The following ARG2 variants were observed in gnomAD, a reference collection of about 807,000 sequenced individuals.
The protein encoded by ARG2 is arginase 2.
ARG2 carries 21 observed loss-of-function variants against 39.4 expected under a neutral mutation model. The ratio of observed to expected loss-of-function variants is 0.53; its 90% CI spans 0.38 to 0.77. The LOEUF is 0.77. Ranked by LOEUF, ARG2 falls within the 30% of genes least tolerant of loss-of-function variation. The pLI is 0.00. For synonymous variants in ARG2, 150 were observed against 156.7 expected (o/e 0.96, Z 0.32); for missense variants, 378 against 426.2 (o/e 0.89, Z 1.00).
chr14:67,624,298 T>C (rs2036840727), intron 2 of ARG2, among the ~76,000 whole-genome samples: 1 of 152,214 alleles, frequency 6.6e-6, no homozygotes, highest in South Asian at 2.1e-4. Flanking sequence ...AAATACTGTA[T>C]AGTGACACCA....
intron 7 of ARG2, chr14:67,648,416 G>C (rs1249895755): frequency 2.7e-6 from 1 of 370,828 alleles, no homozygotes; most frequent in Non-Finnish European, 4.8e-6. Flanking sequence ...GTAAAAAATT[G>C]TATATTTAAA....
At position 67,651,326 on chromosome 14, in the gene ARG2, C is replaced by G; in HGVS notation, c.*406C>G. ...CAATATGCTTATTCTATCCACATCC[C>G]TAACATCATGCATTCACAAGGTCAA... On this transcript the variant is annotated 3_prime_UTR_variant, in exon 8 of 8. Transcript: ENST00000261783. The G allele has an allele frequency of 6.2e-7, 1 of 1,611,006 alleles. No homozygotes were observed. The highest frequency in any genetic ancestry group is 1.1e-5 in the South Asian group (1 of 90,658).
At chr14:67,624,944 CAA>C in intron 2 of ARG2, among the ~76,000 whole-genome samples, 1 of 152,158 alleles carries the variant, frequency 6.6e-6, no homozygotes, top group Non-Finnish European at 1.5e-5. Context: ...CGATAGCCTG[CAA>C]TCACAGTGAA....
At chr14:67,638,824 C>T (rs772875700) in intron 2 of ARG2, among the ~76,000 whole-genome samples, 1 of 152,198 alleles carries the variant, frequency 6.6e-6, no homozygotes, top group Admixed American at 6.5e-5. Context: ...GCTAACCATG[C>T]TGGATCAACC....
intron 2 of ARG2, among the ~76,000 whole-genome samples, chr14:67,634,361 G>C (rs2036948119): frequency 6.6e-6 from 1 of 151,622 alleles, no homozygotes; most frequent in Non-Finnish European, 1.5e-5. Flanking sequence ...GGGAGGCCAA[G>C]GTGGATGGAT....
In ARG2 at chr14:67,624,439, G is replaced by T. The variant is rs1321314685; in HGVS notation, c.184+3473G>T. On this transcript the variant is annotated intron_variant, in intron 2 of 7. Transcript: ENST00000261783. The stretch of plus-strand genomic sequence containing the variant: ...AGAGGTTTAATTGACTCATGGTTCT[G>T]CAGGACATACAGGCTTCTGCTTCTG... 2.0e-5 allele frequency among the ~76,000 whole-genome samples: 3 copies of T among 152,228 alleles called. No homozygotes were observed. The East Asian group carries it at 5.8e-4, about 29-fold the overall frequency.
intron 2 of ARG2, among the ~76,000 whole-genome samples, chr14:67,639,556 T>C (rs2037007901): frequency 6.6e-6 from 1 of 152,098 alleles, no homozygotes; most frequent in Non-Finnish European, 1.5e-5. Flanking sequence ...TAATGGTTGA[T>C]GTGATTTAAG....
At position 67,651,095 on chromosome 14, in the gene ARG2, G is replaced by C; in HGVS notation, c.*175G>C. 1.1e-6 allele frequency: 1 copy of C among 925,954 alleles called. No homozygotes were observed. The highest frequency in any genetic ancestry group is 1.6e-6 in the Non-Finnish European group (1 of 625,850). The allele number at this position is 925,954 out of a possible 1,614,324, so 57.4% of individuals were successfully genotyped here. On this transcript the variant is annotated 3_prime_UTR_variant, in exon 8 of 8. Transcript: ENST00000261783. The stretch of plus-strand genomic sequence containing the variant: ...TTTGGTGACCAATACTACTGTAAAT[G>C]TATTTGGTTTTTTGCAGTTCACAGG...
intron 2 of ARG2, among the ~76,000 whole-genome samples, chr14:67,640,694 A>G (rs1390028767): frequency 2.6e-5 from 4 of 152,170 alleles, no homozygotes; most frequent in African/African-American, 4.8e-5. Context: ...ATCTATGTCA[A>G]TGTTCTGTTC....
chr14:67,636,928 C>G (rs943237100), intron 2 of ARG2, among the ~76,000 whole-genome samples: 2 of 152,212 alleles, frequency 1.3e-5, no homozygotes, highest in African/African-American at 4.8e-5. Context: ...CCTGGACTTA[C>G]AGATGAATTG....
In ARG2 at chr14:67,648,108, G is replaced by T. The variant is rs1251048958; in HGVS notation, c.784G>T (p.Ala262Ser). 4 of 1,613,858 alleles carry T rather than the reference G, an allele frequency of 2.5e-6. No homozygotes were observed. The highest frequency in any genetic ancestry group is 3.4e-6 in the Non-Finnish European group (4 of 1,179,894). ...TGCATTTGACCCTACACTGGCTCCAGCCACAGGAACTCCTGTTGTCGGGGG... is the reference window on the plus strand; with the variant it reads ...TGCATTTGACCCTACACTGGCTCCATCCACAGGAACTCCTGTTGTCGGGGG... ...IDAFDPTLAPATGTPVVGGLT... is the reference protein window; with the variant it reads ...IDAFDPTLAPSTGTPVVGGLT... The change falls in exon 7 of 8, where the codon GCC becomes TCC. Residue 262 changes from alanine (A) to serine (S), a missense_variant. Physicochemically the swap from Ala to Ser is moderately conservative, Grantham distance 99. Transcript: ENST00000261783.
chr14:67,650,924 AC>A lies in ARG2; in HGVS notation c.*5del. On this transcript the variant is annotated 3_prime_UTR_variant, in exon 8 of 8. Coordinates refer to ENST00000261783, the MANE Select transcript of ARG2 (RefSeq NM_001172.4). ...TCAAGCACGTGTGAGAATTTAGGAG[AC>A]ACTGTGCACTGACATGTTTCACAAC... 6.2e-7 allele frequency: 1 copy of A among 1,613,346 alleles called. No individual in the cohort carries two copies. Among genetic ancestry groups the A allele is most frequent in the African/African-American group, 1.3e-5 (1 of 75,046 alleles).
intron 1 of ARG2, among the ~76,000 whole-genome samples, chr14:67,620,504 G>C (rs1397584078): frequency 6.6e-6 from 1 of 152,172 alleles, no homozygotes; most frequent in East Asian, 1.9e-4. Context: ...AAGTCTTCTG[G>C]ATCCATTCAC....
chr14:67,644,605 T>C (rs1260220746), intron 3 of ARG2, among the ~76,000 whole-genome samples: 2 of 152,184 alleles, frequency 1.3e-5, no homozygotes, highest in Non-Finnish European at 2.9e-5. Flanking sequence ...TTCCAACATT[T>C]ATTTCATCAG....
At chr14:67,628,919 T>C (rs7156352) in intron 2 of ARG2, among the ~76,000 whole-genome samples, 117,795 of 152,194 alleles carry the variant, frequency 0.77, 46,494 homozygotes, top group African/African-American at 0.93. Flanking sequence ...GAAGTAGTTG[T>C]GTACCCATGT....
intron 7 of ARG2, chr14:67,648,875 A>G (rs2037135483): frequency 6.6e-6 from 1 of 152,246 alleles, no homozygotes; most frequent in Admixed American, 6.5e-5. Flanking sequence ...CTGCTTCAGT[A>G]ACCATCTGAT....
intron 2 of ARG2, among the ~76,000 whole-genome samples, chr14:67,632,881 C>A (rs1040945085): frequency 3.4e-5 from 4 of 117,528 alleles, no homozygotes; most frequent in Non-Finnish European, 4.8e-5. Flanking sequence ...AGTGCAGTGG[C>A]GTGATCTCGG....
At chr14:67,620,152 G>A in intron 1 of ARG2, 64 bp downstream of exon 1, 2 of 1,210,922 alleles carry the variant, frequency 1.7e-6, no homozygotes, top group South Asian at 2.8e-5. Context: ...GGAGACAGCG[G>A]CGGTAGGGTG....
chr14:67,645,090 A>AT (rs60670858), intron 3 of ARG2, among the ~76,000 whole-genome samples: 19,421 of 151,916 alleles, frequency 0.13, 1,286 homozygotes, highest in East Asian at 0.22. Context: ...TAGGTCTTTA[A>AT]TGGTTTACCC....
Sources: allele counts gnomAD v4.1 joint callset (sites outside exome capture counted in the v4.1 genomes callset), GRCh38; gene constraint gnomAD v4.1.1; transcripts MANE v1.5; gene names NCBI Gene and HGNC (gene_info 2026-07-23, HGNC 2026-07-21).